Variants in VPS13C observed in about 807,000 individuals in gnomAD.
VPS13C encodes the protein vacuolar protein sorting 13 homolog C.
A neutral mutation model predicts 456.8 loss-of-function variants in VPS13C; 358 were observed. That is an observed-to-expected ratio of 0.78 (90% CI 0.72 to 0.86). VPS13C has a LOEUF of 0.86. Among genes scored for constraint, VPS13C ranks in the 40% least tolerant of loss-of-function variants. VPS13C has a pLI of 0.00. For synonymous variants in VPS13C, 1,578 were observed against 1,486.7 expected, an observed-to-expected ratio of 1.06 and a Z score of -1.41; for missense variants, 4,818 against 4,385.4, an observed-to-expected ratio of 1.10 and a Z score of -2.79.
chr15:62,032,922 A>T (rs879439663), intron 5 of VPS13C, among the ~76,000 whole-genome samples: 13 of 151,748 alleles, frequency 8.6e-5, no homozygotes, highest in Non-Finnish European at 1.6e-4. Flanking sequence ...TAAAAACAAA[A>T]ATGTAAACGT....
At chr15:61,892,994 C>T (rs1372201181) in intron 66 of VPS13C, among the ~76,000 whole-genome samples, 2 of 151,942 alleles carry the variant, frequency 1.3e-5, no homozygotes, top group African/African-American at 4.8e-5. Context: ...TAGAGAATAA[C>T]CTCAAAAGAG....
chr15:61,921,536 T>C (rs2043654807), intron 55 of VPS13C, among the ~76,000 whole-genome samples: 1 of 151,978 alleles, frequency 6.6e-6, no homozygotes, highest in Non-Finnish European at 1.5e-5. Context: ...ATGTACTCTA[T>C]TAACAATTAA....
intron 1 of VPS13C, among the ~76,000 whole-genome samples, chr15:62,054,533 G>A (rs1231580619): frequency 1.3e-5 from 2 of 152,084 alleles, no homozygotes; most frequent in African/African-American, 4.8e-5. Flanking sequence ...ACAACACATG[G>A]ACACAGGGAA....
intron 15 of VPS13C, among the ~76,000 whole-genome samples, chr15:62,001,870 A>G (rs1440379711): frequency 2.0e-5 from 3 of 152,214 alleles, no homozygotes; most frequent in African/African-American, 7.2e-5. Flanking sequence ...ATGACTGCAT[A>G]GTATTCCATG....
At chr15:61,900,107 G>A (rs1224235422) in intron 66 of VPS13C, among the ~76,000 whole-genome samples, 10 of 152,142 alleles carry the variant, frequency 6.6e-5, no homozygotes, top group South Asian at 2.1e-4. Context: ...TTGATGGGAC[G>A]TATTTCAAAA....
At chr15:61,998,903 G>A (rs2046491122) in intron 16 of VPS13C, among the ~76,000 whole-genome samples, 1 of 152,048 alleles carries the variant, frequency 6.6e-6, no homozygotes, top group Admixed American at 6.6e-5. Context: ...TTACTGAATA[G>A]TAAATATATT....
intron 1 of VPS13C, among the ~76,000 whole-genome samples, chr15:62,053,077 A>G (rs899649247): frequency 6.6e-5 from 10 of 152,220 alleles, no homozygotes; most frequent in African/African-American, 2.2e-4. Flanking sequence ...AGGTGCTTAA[A>G]TTTAAATTTT....
intron 1 of VPS13C, among the ~76,000 whole-genome samples, chr15:62,052,875 T>G (rs1475198050): frequency 6.6e-6 from 1 of 152,136 alleles, no homozygotes; most frequent in East Asian, 1.9e-4. Flanking sequence ...ACAGGAAGTT[T>G]TGACAAAGGA....
intron 13 of VPS13C, among the ~76,000 whole-genome samples, 156 bp downstream of exon 13, chr15:62,010,316 G>A: frequency 6.6e-6 from 1 of 152,044 alleles, no homozygotes; most frequent in East Asian, 1.9e-4. Flanking sequence ...ACTTAAATTT[G>A]AAATTCATTT....
intron 1 of VPS13C, among the ~76,000 whole-genome samples, chr15:62,059,959 G>A (rs2048939576): frequency 6.6e-6 from 1 of 152,230 alleles, no homozygotes; most frequent in Admixed American, 6.5e-5. Context: ...GGCCAAAGGG[G>A]CCACCCTGAG....
rs184836995 is a variant in VPS13C, at chr15:61,904,123, A to G, written c.9105+3141T>C. On this transcript the variant is annotated intron_variant, in intron 66 of 84. Transcript: ENST00000644861. ...AAGCACAATCAACACAAGTGAAAAC[A>G]AACATATAGGATTACATTAAGCTAA... is the stretch of plus-strand genomic sequence containing the variant. Among the ~76,000 whole-genome samples, 105 of 152,282 alleles carry G rather than the reference A, an allele frequency of 6.9e-4. 1 individual carries two copies. Among genetic ancestry groups the G allele is most frequent in the African/African-American group, 2.5e-3 (104 of 41,566 alleles).
At chr15:62,010,624 G>A in intron 12 of VPS13C, 25 bp from the exon 13 acceptor site, 1 of 1,596,532 alleles carries the variant, frequency 6.3e-7, no homozygotes, top group Non-Finnish European at 8.5e-7. Context: ...GAAGACATAA[G>A]ATATGTTCAT....
At chr15:62,026,453 T>A (rs997876166) in intron 6 of VPS13C, among the ~76,000 whole-genome samples, 1 of 152,098 alleles carries the variant, frequency 6.6e-6, no homozygotes, top group Non-Finnish European at 1.5e-5. Flanking sequence ...GCTGTCGATC[T>A]CAAGTTGGCA....
chr15:61,962,511 A>T lies in VPS13C; in HGVS notation c.3463T>A (p.Phe1155Ile). 2.5e-6 allele frequency: 4 copies of T among 1,610,212 alleles called. No individual in the cohort carries two copies. The highest frequency in any genetic ancestry group is 3.4e-6 in the Non-Finnish European group (4 of 1,177,666). ...KAVSIMGNEV[F>I]RFNLDLYPDA... Reference sequence around the variant, plus strand: ...GGATACAAATCCAAATTAAAACGGAAAACTTCATTTCCCATTATTGACACA... The same window carrying T: ...GGATACAAATCCAAATTAAAACGGATAACTTCATTTCCCATTATTGACACA... The change falls in exon 34 of 85, where the codon TTC becomes ATC. Residue 1155 changes from phenylalanine to isoleucine, a missense_variant. Phe to Ile is a conservative substitution (Grantham distance 21). This residue lies in a region of VPS13C where 4,552 missense variants were observed against 4,130.6 expected (regional missense o/e 1.10). Coordinates refer to ENST00000644861, the MANE Select transcript of VPS13C (RefSeq NM_020821.3).
chr15:62,026,501 T>C (rs183345517), intron 6 of VPS13C, among the ~76,000 whole-genome samples: 1 of 152,180 alleles, frequency 6.6e-6, no homozygotes, highest in Admixed American at 6.5e-5. Flanking sequence ...AGAGCTCAAA[T>C]TTTATCACTG....
Position 61,966,114 on chromosome 15 carries a change from G to A in VPS13C, c.3020C>T (p.Thr1007Ile). The change falls in exon 30 of 85, where the codon ACT (threonine) becomes ATT (isoleucine). Residue 1007 changes from threonine (T) to isoleucine (I), a missense_variant. By Grantham distance (89) the Thr-to-Ile change is moderately conservative. Coordinates refer to ENST00000644861, the MANE Select transcript of VPS13C (RefSeq NM_020821.3). ...TGTTTGTTCAGTTTTTCCAAAAGCA[G>A]TTTGAAAACTAGGTCCATTCTTATC... ...KADKNGPSFQTAFGKTEQTVK... is the reference protein window; with the variant it reads ...KADKNGPSFQIAFGKTEQTVK... 1.2e-6 allele frequency: 2 copies of A among 1,605,498 alleles called. No homozygotes were observed. The highest frequency in any genetic ancestry group is 8.5e-7 in the Non-Finnish European group (1 of 1,175,240).
Position 61,954,623 on chromosome 15 carries a change from T to C in VPS13C, c.4166-69A>G, listed in dbSNP as rs986521266. 2.8e-6 allele frequency: 4 copies of C among 1,453,472 alleles called. No individual in the cohort carries two copies. In the African/African-American group the frequency reaches 4.3e-5, roughly 16 times the overall value. 90.0% of individuals were successfully genotyped at this position (1,453,472 alleles called of 1,614,324 possible). On this transcript the variant is annotated intron_variant, in intron 37 of 84. Transcript: ENST00000644861. ...CTTCCACAAATATTTATTGTGGACT[T>C]ATATGAGTATTCTGGACCTGGTAGA... is the stretch of plus-strand genomic sequence containing the variant.
rs146311068 is a variant in VPS13C at position 61,966,363 on chromosome 15, TG to T, written c.2992-222del. ...TCAAACATGGGAGAATATTCATTTC[TG>T]GGAAACTGTAGCTAAGAATCAGAAT... On this transcript the variant is annotated intron_variant, in intron 29 of 84. Transcript: ENST00000644861. Among the ~76,000 whole-genome samples, 1,175 of 151,956 alleles carry T rather than the reference TG, an allele frequency of 7.7e-3. 42 individuals carry two copies. The East Asian group carries it at 0.084, about 11-fold the overall frequency.
chr15:61,874,973 T>C (rs757283975), intron 76 of VPS13C, 22 bp from the exon 77 acceptor site: 21 of 1,525,058 alleles, frequency 1.4e-5, no homozygotes, highest in Non-Finnish European at 1.8e-5. Flanking sequence ...AAATAAAAAA[T>C]AATCTTATTA....
Sources: gnomAD v4.1 joint callset for allele counts (sites outside exome capture counted in the v4.1 genomes callset) on GRCh38, gnomAD v4.1.1 for gene constraint, gnomAD v4.1.1 regional missense constraint, MANE v1.5 for transcripts, NCBI Gene and HGNC (gene_info 2026-07-23, HGNC 2026-07-21) for gene names.